The following ARHGAP21 variants were observed in gnomAD, a reference collection of about 807,000 sequenced individuals.
ARHGAP21 encodes rho GTPase-activating protein 21.
Under a neutral mutation model 164.6 loss-of-function variants are expected in ARHGAP21, and 38 were observed. The ratio of observed to expected loss-of-function variants is 0.23; its 90% CI spans 0.18 to 0.30. ARHGAP21 has a LOEUF of 0.30. Among genes scored for constraint, ARHGAP21 ranks in the 10% least tolerant of loss-of-function variants. The pLI is 1.00. For missense variants in ARHGAP21, 1,822 were observed against 2,370.7 expected, an observed-to-expected ratio of 0.77 and a Z score of 4.81; for synonymous variants, 766 against 857.9, an observed-to-expected ratio of 0.89 and a Z score of 1.87.
chr10:24,592,096 A>AAAAG, intron 21 of ARHGAP21, 84 bp from the exon 22 acceptor site: 1 of 1,291,178 alleles, frequency 7.7e-7, no homozygotes, highest in South Asian at 2.1e-5. Flanking sequence ...TTTTTGATGA[A>AAAAG]AAAGAATAAA....
chr10:24,656,596 G>A lies in ARHGAP21; in HGVS notation c.268+10389C>T, dbSNP rs1437759765. Among the ~76,000 whole-genome samples the A allele has an allele frequency of 7.4e-3, 665 of 90,386 alleles. 4 individuals are homozygous for A. Among genetic ancestry groups the A allele is most frequent in the Middle Eastern group, 0.02 (2 of 102 alleles). 59.3% of individuals were successfully genotyped at this position (90,386 alleles called of 152,430 possible). On this transcript the variant is annotated intron_variant, in intron 4 of 25. Coordinates refer to ENST00000396432, the MANE Select transcript of ARHGAP21 (RefSeq NM_020824.4). The stretch of plus-strand genomic sequence containing the variant: ...GGGTCAGCCCTCCGCCCAGCCAGCC[G>A]CCCCGTCTGGGAGGTGAGGGGCGCC...
In ARHGAP21 at chr10:24,695,480, A is replaced by G. The variant is rs904641867; in HGVS notation, c.64-25083T>C. 1.2e-4 allele frequency among the ~76,000 whole-genome samples: 19 copies of G among 152,028 alleles called. 1 individual carries two copies. Among genetic ancestry groups the G allele is most frequent in the Admixed American group, 1.1e-3 (17 of 15,260 alleles). ...GCTACTCCGGAGGCTGAGGCATGAG[A>G]ATCACTTGAACCCTGGAGGCAGAGG... On this transcript the variant is annotated intron_variant, in intron 2 of 25. Coordinates refer to ENST00000396432, the MANE Select transcript of ARHGAP21 (RefSeq NM_020824.4).
chr10:24,659,278 T>A (rs1310965104), intron 4 of ARHGAP21, among the ~76,000 whole-genome samples: 1 of 152,218 alleles, frequency 6.6e-6, no homozygotes, highest in African/African-American at 2.4e-5. Flanking sequence ...GATATACAAA[T>A]GGATCTTTTA....
At chr10:24,609,136 T>C (rs1341989903) in intron 9 of ARHGAP21, among the ~76,000 whole-genome samples, 4 of 152,222 alleles carry the variant, frequency 2.6e-5, no homozygotes, top group Non-Finnish European at 5.9e-5. Flanking sequence ...CTTCAAAAAG[T>C]ATCTGACTCA....
intron 2 of ARHGAP21, among the ~76,000 whole-genome samples, chr10:24,690,137 CTCTT>C (rs1326655075): frequency 6.6e-6 from 1 of 152,028 alleles, no homozygotes; most frequent in Non-Finnish European, 1.5e-5. Flanking sequence ...GTTCACTCTT[CTCTT>C]TGTTCATTAT....
intron 4 of ARHGAP21, among the ~76,000 whole-genome samples, chr10:24,653,543 A>G (rs542859507): frequency 1.2e-4 from 18 of 152,090 alleles, no homozygotes; most frequent in Non-Finnish European, 2.5e-4. Context: ...ACTGTACTCC[A>G]GCCTGGGCGA....
At chr10:24,633,283 A>G in intron 6 of ARHGAP21, 119 bp downstream of exon 6, 1 of 707,026 alleles carries the variant, frequency 1.4e-6, no homozygotes, top group Non-Finnish European at 2.3e-6. Context: ...TATCTAAGGG[A>G]AAGTTCCACA....
intron 2 of ARHGAP21, among the ~76,000 whole-genome samples, chr10:24,689,227 C>T (rs577433735): frequency 1.3e-5 from 2 of 152,224 alleles, no homozygotes; most frequent in South Asian, 4.1e-4. Context: ...ATACCACTAA[C>T]AAATTGTTTT....
intron 2 of ARHGAP21, among the ~76,000 whole-genome samples, chr10:24,673,752 C>T (rs1372647341): frequency 2.0e-5 from 3 of 152,112 alleles, no homozygotes; most frequent in Non-Finnish European, 4.4e-5. Flanking sequence ...ATCCCCACTA[C>T]TTGAGAGGCT....
At chr10:24,631,599 T>C (rs1012008637) in intron 6 of ARHGAP21, among the ~76,000 whole-genome samples, 1 of 152,224 alleles carries the variant, frequency 6.6e-6, no homozygotes, top group African/African-American at 2.4e-5. Context: ...ACTAAACCCA[T>C]GAGAACCACA....
chr10:24,624,257 T>C (rs1314008946), intron 7 of ARHGAP21, among the ~76,000 whole-genome samples: 3 of 151,542 alleles, frequency 2.0e-5, no homozygotes, highest in Non-Finnish European at 4.4e-5. Flanking sequence ...AAGTACAAAC[T>C]TACTCGCCAG....
chr10:24,707,433 C>A (rs1363042618), intron 2 of ARHGAP21, among the ~76,000 whole-genome samples: 1 of 152,178 alleles, frequency 6.6e-6, no homozygotes, highest in African/African-American at 2.4e-5. Context: ...TAATTTCTTA[C>A]ACTTCCATAG....
intron 21 of ARHGAP21, 119 bp downstream of exon 21, chr10:24,594,831 T>C: frequency 1.4e-6 from 1 of 723,510 alleles, no homozygotes; most frequent in Non-Finnish European, 2.1e-6. Flanking sequence ...TAAGAAGGAC[T>C]TACCCAGTTT....
At chr10:24,713,562 G>A (rs1845059070) in intron 2 of ARHGAP21, among the ~76,000 whole-genome samples, 1 of 151,592 alleles carries the variant, frequency 6.6e-6, no homozygotes, top group Non-Finnish European at 1.5e-5. Context: ...TCTACATAGT[G>A]GAAATTCTTG....
intron 2 of ARHGAP21, among the ~76,000 whole-genome samples, chr10:24,689,812 GTA>G (rs763454965): frequency 3.4e-5 from 5 of 149,086 alleles, no homozygotes; most frequent in East Asian, 2.0e-4. Flanking sequence ...ATATGTATGT[GTA>G]TATATATGTA....
intron 24 of ARHGAP21, chr10:24,590,522 GA>G (rs949784860): frequency 4.5e-4 from 683 of 1,526,048 alleles, no homozygotes; most frequent in Non-Finnish European, 5.6e-4. Flanking sequence ...AGTAAGAGCT[GA>G]AAAAACCCTT....
At chr10:24,622,892 G>C in intron 7 of ARHGAP21, 130 bp from the exon 8 acceptor site, 3 of 799,684 alleles carry the variant, frequency 3.8e-6, no homozygotes, top group Non-Finnish European at 3.9e-6. Context: ...GGTACCAAGA[G>C]AGGTAAAGGG....
intron 4 of ARHGAP21, among the ~76,000 whole-genome samples, chr10:24,642,237 A>C (rs1397460331): frequency 1.3e-5 from 2 of 151,952 alleles, no homozygotes; most frequent in Non-Finnish European, 2.9e-5. Context: ...TCTTAAAAGC[A>C]AGAAACAGGG....
intron 21 of ARHGAP21, among the ~76,000 whole-genome samples, chr10:24,592,871 T>C (rs2076398435): frequency 6.6e-6 from 1 of 152,238 alleles, no homozygotes; most frequent in Non-Finnish European, 1.5e-5. Flanking sequence ...AAACACCCAG[T>C]GTCTGGAAAT....
Sources: allele counts gnomAD v4.1 joint callset (sites outside exome capture counted in the v4.1 genomes callset), GRCh38; gene constraint gnomAD v4.1.1; transcripts MANE v1.5; gene names NCBI Gene and HGNC (gene_info 2026-07-23, HGNC 2026-07-21).